Variants in ZFYVE27 observed in about 807,000 individuals in gnomAD.
The protein encoded by ZFYVE27 is zinc finger FYVE-type containing 27.
In ZFYVE27, 36 loss-of-function variants were observed where a neutral mutation model predicts 52.8. That is an observed-to-expected ratio of 0.68 (90% CI 0.52 to 0.90). ZFYVE27 has a LOEUF of 0.90. ZFYVE27 is among the 40% of genes least tolerant of loss of function. The probability of loss-of-function intolerance (pLI) is 0.00; values close to 1 mark genes in which losing one functional copy is unlikely to be tolerated. For synonymous variants in ZFYVE27, 223 were observed against 215.6 expected (o/e 1.03, Z -0.30); for missense variants, 450 against 527.2 (o/e 0.85, Z 1.43).
intron 11 of ZFYVE27, 128 bp downstream of exon 11, chr10:97,757,439 G>A: frequency 2.1e-6 from 3 of 1,416,046 alleles, no homozygotes; most frequent in Non-Finnish European, 3.0e-6. Context: ...GCTTTCTGGA[G>A]TGAGTGTGCC....
intron 2 of ZFYVE27, among the ~76,000 whole-genome samples, chr10:97,741,424 A>G (rs111665998): frequency 2.2e-3 from 340 of 152,340 alleles, no homozygotes; most frequent in Non-Finnish European, 4.1e-3. Context: ...ATGGAATACT[A>G]TGTGCAGCCA....
In ZFYVE27 at chr10:97,757,268, A is replaced by G. The variant is rs1478853461; in HGVS notation, c.1046A>G (p.Asn349Ser). Residue 349 changes from asparagine to serine, a missense_variant, in exon 11 of 13, where the codon AAC becomes AGC. Coordinates refer to ENST00000684270, the MANE Select transcript of ZFYVE27 (RefSeq NM_001385875.1). The stretch of plus-strand genomic sequence containing the variant: ...AGCTGCTGCCTCTGTTTCTCAGGGA[A>G]CTGCACGGGCTGCTCGGCCACCTTC... ...RKRYPTNNFG[N>S]CTGCSATFSV... 1.2e-6 allele frequency: 2 copies of G among 1,614,108 alleles called. No individual in the cohort carries two copies. The highest frequency in any genetic ancestry group is 2.2e-5 in the South Asian group (2 of 91,092).
At position 97,744,696 on chromosome 10, in the gene ZFYVE27, C is replaced by T. The variant is rs781346519; in HGVS notation, c.269-33C>T. ...TGGGCCGACTCCTGGTCTTTGCTTA[C>T]CTGTGTTACCTGCAGTGTTTTTGAT... On this transcript the variant is annotated intron_variant, in intron 3 of 12. Coordinates refer to ENST00000684270, the MANE Select transcript of ZFYVE27 (RefSeq NM_001385875.1). The T allele has an allele frequency of 1.9e-6, 3 of 1,611,532 alleles. No individual in the cohort carries two copies. The African/African-American group carries it at 4.0e-5, about 22-fold the overall frequency.
rs370376769 is a variant in ZFYVE27, at chr10:97,741,692, C to G, written c.198-1402C>G. ...ATGGGTTGATGGGTGCAGCAAACCA[C>G]CATGGCACGTGTATACCTACGTAAC... On this transcript the variant is annotated intron_variant, in intron 2 of 12. Coordinates refer to ENST00000684270, the MANE Select transcript of ZFYVE27 (RefSeq NM_001385875.1). Among the ~76,000 whole-genome samples, 341 of 152,188 alleles carry G rather than the reference C, an allele frequency of 2.2e-3. 2 individuals carry two copies. The highest frequency in any genetic ancestry group is 7.0e-3 in the African/African-American group (290 of 41,508).
At chr10:97,737,789 G>A (rs1473339326) in intron 1 of ZFYVE27, among the ~76,000 whole-genome samples, 1 of 152,250 alleles carries the variant, frequency 6.6e-6, no homozygotes, top group African/African-American at 2.4e-5. Context: ...GGAATGGGGC[G>A]TTCTGATGCC....
chr10:97,758,049 A>G (rs1485318509), intron 12 of ZFYVE27: 1 of 220,644 alleles, frequency 4.5e-6, no homozygotes, highest in Admixed American at 5.5e-5. Context: ...CACCAGCCGC[A>G]ATTTTAATCT....
Position 97,757,707 on chromosome 10 carries a change from C to G in ZFYVE27, c.1155C>G (p.Ser385=). The stretch of plus-strand genomic sequence containing the variant: ...GCTGCTCCTTCAAGGTGCCCAAGTC[C>G]TCCATGGGGGCCACAGGTGAGTGGT... ...SRCCSFKVPK[S]SMGATAPEAQ... Residue 385 remains serine (S), a synonymous_variant, in exon 12 of 13, where the codon TCC becomes TCG. Transcript: ENST00000684270. The G allele has an allele frequency of 6.2e-7, 1 of 1,614,202 alleles. No homozygotes were observed. The highest frequency in any genetic ancestry group is 8.5e-7 in the Non-Finnish European group (1 of 1,180,026).
intron 10 of ZFYVE27, 107 bp downstream of exon 10, chr10:97,753,289 C>G: frequency 6.8e-7 from 1 of 1,474,058 alleles, no homozygotes; most frequent in Non-Finnish European, 9.1e-7. Flanking sequence ...ACTGTGGGTA[C>G]TGACTTGTGA....
chr10:97,744,015 G>A (rs1327231301), intron 3 of ZFYVE27, among the ~76,000 whole-genome samples: 1 of 152,130 alleles, frequency 6.6e-6, no homozygotes, highest in Non-Finnish European at 1.5e-5. Flanking sequence ...CTGGAGATAG[G>A]GATTGAGTAG....
In ZFYVE27 at chr10:97,753,184, T is replaced by C. The variant is rs746387187; in HGVS notation, c.1042+2T>C. On this transcript the variant is annotated splice_donor_variant, in intron 10 of 12. Coordinates refer to ENST00000684270, the MANE Select transcript of ZFYVE27 (RefSeq NM_001385875.1). LOFTEE classifies it high-confidence loss of function. ...AGCGCTACCCCACCAACAACTTCGG[T>C]GCGGCCAGGGGACAGGGCTGGGCTG... The C allele has an allele frequency of 6.2e-7, 1 of 1,610,262 alleles. No homozygotes were observed. The highest frequency in any genetic ancestry group is 2.2e-5 in the East Asian group (1 of 44,706).
rs185318300 is a variant in ZFYVE27, at chr10:97,757,587, G to A, written c.1090-55G>A. 12 of 1,578,794 alleles carry A rather than the reference G, an allele frequency of 7.6e-6. No individual in the cohort carries two copies. The East Asian group carries it at 2.5e-4, about 32-fold the overall frequency. On this transcript the variant is annotated intron_variant, in intron 11 of 12. Coordinates refer to ENST00000684270, the MANE Select transcript of ZFYVE27 (RefSeq NM_001385875.1). ...CTGGTGGAAAGGAGGGAGGTGCTGA[G>A]AACTCCAGGTACCTGAGGGTGAGGG...
intron 2 of ZFYVE27, among the ~76,000 whole-genome samples, chr10:97,739,417 A>C (rs191393177): frequency 0.012 from 1,810 of 151,764 alleles, 20 homozygotes; most frequent in Middle Eastern, 0.02. Context: ...TTTCCCTCCT[A>C]TCCTGCTTTG....
Position 97,759,223 on chromosome 10 carries a change from T to C in ZFYVE27, c.1172-13T>C, listed in dbSNP as rs1361872626. 3.1e-6 allele frequency: 5 copies of C among 1,613,972 alleles called. No individual in the cohort carries two copies. The highest frequency in any genetic ancestry group is 1.3e-5 in the African/African-American group (1 of 74,900). On this transcript the variant is annotated splice_polypyrimidine_tract_variant and intron_variant, in intron 12 of 12. Transcript: ENST00000684270. ...GCAAGGAAATGTCTCACCAAGTTCT[T>C]CCTCCTTTTCAGCCCCTGAAGCCCA...
At chr10:97,744,649 G>A in intron 3 of ZFYVE27, 80 bp from the exon 4 acceptor site, 2 of 1,548,940 alleles carry the variant, frequency 1.3e-6, no homozygotes, top group South Asian at 1.1e-5. Flanking sequence ...AGGAGGTGAG[G>A]AACAAGCAGT....
Position 97,760,608 on chromosome 10 carries a change from A to G in ZFYVE27, c.*1308A>G, listed in dbSNP as rs1047537. On this transcript the variant is annotated 3_prime_UTR_variant, in exon 13 of 13. Coordinates refer to ENST00000684270, the MANE Select transcript of ZFYVE27 (RefSeq NM_001385875.1). ...CATGAGGGGGCTGAGAGGTTTCTAC[A>G]CTCGAGGAGCAGGGGTCCAGAGAGG... The G allele has an allele frequency of 1.6e-3, 238 of 152,164 alleles. No individual in the cohort carries two copies. Among genetic ancestry groups the G allele is most frequent in the Non-Finnish European group, 2.9e-3 (196 of 68,080 alleles). The allele number at this position is 152,164 out of a possible 1,614,324, so 9.4% of individuals were successfully genotyped here.
intron 4 of ZFYVE27, among the ~76,000 whole-genome samples, chr10:97,746,042 TA>T (rs1564815411): frequency 7.1e-4 from 40 of 56,460 alleles, no homozygotes; most frequent in African/African-American, 3.0e-3. Flanking sequence ...TATATATATA[TA>T]TATATATATT....
chr10:97,759,135 G>A (rs2049136073), intron 12 of ZFYVE27, 101 bp from the exon 13 acceptor site: 3 of 1,250,588 alleles, frequency 2.4e-6, no homozygotes, highest in African/African-American at 1.5e-5. Flanking sequence ...TGGGCTGGGT[G>A]GGGGGTCTGT....
intron 10 of ZFYVE27, 63 bp downstream of exon 10, chr10:97,753,245 G>T: frequency 6.4e-7 from 1 of 1,564,820 alleles, no homozygotes; most frequent in Non-Finnish European, 8.7e-7. Context: ...GGACTCTAGT[G>T]GGGAACACCC....
chr10:97,751,274 A>G (rs538299362), intron 7 of ZFYVE27, 117 bp from the exon 8 acceptor site: 2 of 1,140,938 alleles, frequency 1.8e-6, no homozygotes, highest in African/African-American at 1.5e-5. Flanking sequence ...CTTTCTTGCC[A>G]TTGTGCCATT....
Sources: allele counts gnomAD v4.1 joint callset (sites outside exome capture counted in the v4.1 genomes callset), GRCh38; gene constraint gnomAD v4.1.1; transcripts MANE v1.5; gene names NCBI Gene and HGNC (gene_info 2026-07-23, HGNC 2026-07-21).